Variants in MAP3K21 observed in about 807,000 individuals in gnomAD.
MAP3K21 encodes mitogen-activated protein kinase kinase kinase 21, also known as mitogen-activated protein kinase kinase kinase MLK4.
MAP3K21 carries 63 observed loss-of-function variants against 86.1 expected under a neutral mutation model. That is an observed-to-expected ratio of 0.73 (90% CI 0.60 to 0.90). The LOEUF (loss-of-function observed/expected upper bound fraction) is 0.90. Ranked by LOEUF, MAP3K21 falls within the 40% of genes least tolerant of loss-of-function variation. The probability of loss-of-function intolerance (pLI) is 0.00; values close to 1 mark genes in which losing one functional copy is unlikely to be tolerated. For synonymous variants in MAP3K21, 558 were observed against 564.8 expected, an observed-to-expected ratio of 0.99 and a Z score of 0.17; for missense variants, 1,220 against 1,367.7, an observed-to-expected ratio of 0.89 and a Z score of 1.70.
At chr1:233,339,252 CTTCT>C (rs1662974406) in intron 1 of MAP3K21, among the ~76,000 whole-genome samples, 39 of 69,696 alleles carry the variant, frequency 5.6e-4, no homozygotes, top group Non-Finnish European at 7.8e-4. Context: ...TCTTCTTCTT[CTTCT>C]TCTTCTTCTT....
chr1:233,335,802 A>G (rs974128779), intron 1 of MAP3K21, among the ~76,000 whole-genome samples: 3 of 152,226 alleles, frequency 2.0e-5, no homozygotes, highest in Non-Finnish European at 4.4e-5. Context: ...AATAGACCCC[A>G]TTACATCTTA....
At chr1:233,351,657 A>T (rs1169520135) in intron 2 of MAP3K21, among the ~76,000 whole-genome samples, 1 of 150,764 alleles carries the variant, frequency 6.6e-6, no homozygotes, top group Non-Finnish European at 1.5e-5. Flanking sequence ...AGATCGCGCC[A>T]TTGCACTCCA....
At chr1:233,342,839 TA>T (rs1361448120) in intron 1 of MAP3K21, among the ~76,000 whole-genome samples, 1 of 152,156 alleles carries the variant, frequency 6.6e-6, no homozygotes, top group African/African-American at 2.4e-5. Flanking sequence ...AGTATAGCAT[TA>T]AGAGTAAGAA....
At chr1:233,333,104 T>C (rs1472877518) in intron 1 of MAP3K21, among the ~76,000 whole-genome samples, 3 of 152,176 alleles carry the variant, frequency 2.0e-5, no homozygotes, top group Non-Finnish European at 2.9e-5. Context: ...ATTAGTACTG[T>C]GTAAATAAAA....
At chr1:233,329,981 T>G (rs1294310) in intron 1 of MAP3K21, among the ~76,000 whole-genome samples, 118,481 of 152,206 alleles carry the variant, frequency 0.78, 46,378 homozygotes, top group East Asian at 0.99. Context: ...CATATTCTTA[T>G]AATGAGATGA....
chr1:233,329,255 A>C (rs1416370929), intron 1 of MAP3K21, among the ~76,000 whole-genome samples: 1 of 152,066 alleles, frequency 6.6e-6, no homozygotes, highest in East Asian at 1.9e-4. Flanking sequence ...CCCCGAATGC[A>C]CTCGGGGACG....
chr1:233,339,097 A>G (rs1662967813), intron 1 of MAP3K21, among the ~76,000 whole-genome samples: 1 of 152,228 alleles, frequency 6.6e-6, no homozygotes, highest in Non-Finnish European at 1.5e-5. Flanking sequence ...AGACCAGTGA[A>G]GAAAGTATTT....
chr1:233,356,864 T>G (rs1376411096), intron 4 of MAP3K21, among the ~76,000 whole-genome samples: 1 of 152,228 alleles, frequency 6.6e-6, no homozygotes, highest in African/African-American at 2.4e-5. Context: ...TAGAAACAGT[T>G]AAGTTCCCAC....
chr1:233,373,370 C>G (rs1427994423), intron 6 of MAP3K21: 1 of 152,262 alleles, frequency 6.6e-6, no homozygotes, highest in Non-Finnish European at 1.5e-5. Context: ...TGGGGAAAAC[C>G]ACCTCACAGA....
chr1:233,354,790 A>AATGTCTTGGGCATAATCTG, intron 3 of MAP3K21, 46 bp from the exon 4 acceptor site: 1 of 1,472,032 alleles, frequency 6.8e-7, no homozygotes, highest in Non-Finnish European at 9.4e-7. Flanking sequence ...TAGCAACTCT[A>AATGTCTTGGGCATAATCTG]AACTGCGTTG....
chr1:233,365,264 A>G (rs995071002), intron 5 of MAP3K21, among the ~76,000 whole-genome samples: 1 of 152,134 alleles, frequency 6.6e-6, no homozygotes, highest in African/African-American at 2.4e-5. Flanking sequence ...ACAAAAAACA[A>G]AAATAGACAA....
At chr1:233,333,493 C>T (rs1662850644) in intron 1 of MAP3K21, among the ~76,000 whole-genome samples, 1 of 152,028 alleles carries the variant, frequency 6.6e-6, no homozygotes, top group African/African-American at 2.4e-5. Flanking sequence ...ACCTATCTAT[C>T]ATCCTGGCAC....
chr1:233,338,870 G>A (rs1428202895), intron 1 of MAP3K21, among the ~76,000 whole-genome samples: 1 of 152,174 alleles, frequency 6.6e-6, no homozygotes, highest in Non-Finnish European at 1.5e-5. Flanking sequence ...TTTGATGAAG[G>A]GGAACCAGGT....
Position 233,328,202 on chromosome 1 carries a change from C to T in MAP3K21, c.174C>T (p.Ser58=), listed in dbSNP as rs1662732209. 1.3e-6 allele frequency: 2 copies of T among 1,487,484 alleles called. No individual in the cohort carries two copies. Among genetic ancestry groups the T allele is most frequent in the Non-Finnish European group, 8.9e-7 (1 of 1,126,918 alleles). The allele number at this position is 1,487,484 out of a possible 1,614,324, so 92.1% of individuals were successfully genotyped here. A position where few individuals can be genotyped will look rare whatever the true frequency, so the allele number is the denominator to read the frequency against. ...DYEARGEDEL[S]LRRGQLVEVL... ...AGGCTCGCGGCGAGGACGAGCTGAG[C>T]CTGCGGCGCGGCCAGCTGGTGGAGG... Residue 58 remains serine, a synonymous_variant, in exon 1 of 10, where the codon AGC becomes AGT. Transcript: ENST00000366624. The surrounding 1 kb of genome is among the most constrained non-coding windows in gnomAD (Gnocchi z 8.7).
In MAP3K21 at chr1:233,328,291, G is replaced by C; in HGVS notation, c.263G>C (p.Arg88Pro). 6.7e-7 allele frequency: 1 copy of C among 1,486,958 alleles called. No homozygotes were observed. The highest frequency in any genetic ancestry group is 1.5e-5 in the African/African-American group (1 of 68,556). The allele number at this position is 1,486,958 out of a possible 1,614,324, so 92.1% of individuals were successfully genotyped here. ...EGWWAGQVQR[R>P]LGIFPANYVA... Reference sequence around the variant, plus strand: ...TGGTGGGCAGGCCAGGTGCAGCGGCGCCTCGGCATCTTCCCCGCCAACTAC... The same window carrying C: ...TGGTGGGCAGGCCAGGTGCAGCGGCCCCTCGGCATCTTCCCCGCCAACTAC... Residue 88 changes from arginine (R) to proline (P), a missense_variant, in exon 1 of 10, where the codon CGC becomes CCC. Transcript: ENST00000366624. The surrounding 1 kb of genome is among the most constrained non-coding windows in gnomAD (Gnocchi z 8.7).
chr1:233,351,792 GT>G (rs1218813119), intron 2 of MAP3K21, among the ~76,000 whole-genome samples: 6 of 152,108 alleles, frequency 3.9e-5, no homozygotes, highest in Admixed American at 2.6e-4. Context: ...AGCTAATGAG[GT>G]TTTAAAAGAT....
intron 4 of MAP3K21, among the ~76,000 whole-genome samples, chr1:233,355,638 A>C (rs563658386): frequency 2.0e-5 from 3 of 152,198 alleles, no homozygotes; most frequent in Non-Finnish European, 4.4e-5. Flanking sequence ...ACATTGAAGC[A>C]GAAGCTCCCC....
chr1:233,355,382 A>T (rs903047569), intron 4 of MAP3K21, among the ~76,000 whole-genome samples: 2 of 152,214 alleles, frequency 1.3e-5, no homozygotes, highest in Admixed American at 6.5e-5. Flanking sequence ...AGTATGTCAT[A>T]GGCATTCCCT....
chr1:233,358,469 A>ATT (rs1457336705), intron 4 of MAP3K21, among the ~76,000 whole-genome samples: 2 of 68,760 alleles, frequency 2.9e-5, no homozygotes, highest in African/African-American at 9.7e-5. Flanking sequence ...AAAGACTCTA[A>ATT]TTTGTTTTTT....
Sources: allele counts gnomAD v4.1 joint callset (sites outside exome capture counted in the v4.1 genomes callset), GRCh38; gene constraint gnomAD v4.1.1; non-coding constraint Gnocchi (gnomAD v3.1); transcripts MANE v1.5; gene names NCBI Gene and HGNC (gene_info 2026-07-23, HGNC 2026-07-21).